The following HEMK1 variants were observed in gnomAD, a reference collection of about 807,000 sequenced individuals.
The protein encoded by HEMK1 is HemK methyltransferase 1, mitochondrial release factors N(5)-glutamine, also known as MTRF1L release factor glutamine methyltransferase.
Under a neutral mutation model 47.9 loss-of-function variants are expected in HEMK1, and 36 were observed. That is an observed-to-expected ratio of 0.75 (90% CI 0.58 to 0.99). The LOEUF is 0.99. Among genes scored for constraint, HEMK1 ranks in the 50% least tolerant of loss-of-function variants. HEMK1 has a pLI of 0.00. For missense variants in HEMK1, 383 were observed against 434.5 expected, an observed-to-expected ratio of 0.88 and a Z score of 1.05; for synonymous variants, 153 against 165.4, an observed-to-expected ratio of 0.93 and a Z score of 0.57.
In HEMK1 at chr3:50,590,090, CAGG is replaced by C. The variant is rs2031641420; in HGVS notation, c.*9676_*9678del. 1 of 151,506 alleles carries C rather than the reference CAGG, an allele frequency of 6.6e-6. No homozygotes were observed. The highest frequency in any genetic ancestry group is 1.5e-5 in the Non-Finnish European group (1 of 68,000). The allele number at this position is 151,506 out of a possible 1,614,324, so 9.4% of individuals were successfully genotyped here. On this transcript the variant is annotated 3_prime_UTR_variant, in exon 11 of 11. Transcript: ENST00000232854. ...ATCCCAGCTACTCGGGAGGCTGAAG[CAGG>C]AGAATTGCTTGAACCCGGGAGGCAG... is the stretch of plus-strand genomic sequence containing the variant.
At chr3:50,580,026 C>T in intron 9 of HEMK1, 87 bp downstream of exon 9, 1 of 1,516,130 alleles carries the variant, frequency 6.6e-7, no homozygotes, top group Non-Finnish European at 9.2e-7. Flanking sequence ...CAGAGGTCAG[C>T]ACAGGACCCT....
chr3:50,575,380 G>T (rs1247451045), intron 4 of HEMK1, among the ~76,000 whole-genome samples: 1 of 151,664 alleles, frequency 6.6e-6, no homozygotes, highest in Non-Finnish European at 1.5e-5. Flanking sequence ...CCAAGATCGC[G>T]CCATTGTACT....
rs1350530548 is a variant in HEMK1 at position 50,593,206 on chromosome 3, G to A, written c.*12789G>A. ...GATGGGAGCCTCAGGCCTGGCTTAG[G>A]AACCCTGCCCACAGCTGTACTAATG... On this transcript the variant is annotated 3_prime_UTR_variant, in exon 11 of 11. Transcript: ENST00000232854. 6.6e-6 allele frequency: 1 copy of A among 152,330 alleles called. No homozygotes were observed. Among genetic ancestry groups the A allele is most frequent in the African/African-American group, 2.4e-5 (1 of 41,436 alleles). 9.4% of individuals were successfully genotyped at this position (152,330 alleles called of 1,614,324 possible). A position where few individuals can be genotyped will look rare whatever the true frequency, so the allele number is the denominator to read the frequency against.
chr3:50,570,894 A>G, intron 1 of HEMK1, 37 bp from the exon 2 acceptor site: 2 of 468,340 alleles, frequency 4.3e-6, no homozygotes, highest in Non-Finnish European at 7.6e-6. Flanking sequence ...GGTGTCATAC[A>G]AGGCTCACCT....
chr3:50,569,194 C>T (rs1700602158), upstream of HEMK1: 1 of 152,302 alleles, frequency 6.6e-6, no homozygotes. Context: ...ACCTCCCGGC[C>T]TGGTTCCTAA....
In HEMK1 at chr3:50,577,083, C is replaced by T. The variant is rs761979687; in HGVS notation, c.446C>T (p.Ala149Val). 6.2e-7 allele frequency: 1 copy of T among 1,614,014 alleles called. No homozygotes were observed. The highest frequency in any genetic ancestry group is 1.3e-5 in the African/African-American group (1 of 75,058). Reference protein sequence around the residue: ...ELVEWVLEEVAQRSHAVGSPG... With the variant: ...ELVEWVLEEVVQRSHAVGSPG... Reference sequence around the variant, plus strand: ...GTTGAGTGGGTGCTGGAAGAGGTGGCCCAGAGGTCCCATGCTGTGGGATCC... The same window carrying T: ...GTTGAGTGGGTGCTGGAAGAGGTGGTCCAGAGGTCCCATGCTGTGGGATCC... The change falls in exon 5 of 11, where the codon GCC becomes GTC. Residue 149 changes from alanine (A) to valine (V), a missense_variant. Transcript: ENST00000232854.
chr3:50,572,125 C>T lies in HEMK1; in HGVS notation c.331C>T (p.Gln111Ter), dbSNP rs376951242. 1.7e-5 allele frequency: 28 copies of T among 1,613,960 alleles called. No homozygotes were observed. The African/African-American group carries it at 1.9e-4, about 11-fold the overall frequency. ...CTGCCCCCTCTGCAGGATGCCGGTG[C>T]AGTACATCCTTGGAGAGTGGGACTT... ...SSRRLQRMPV[Q>*]YILGEWDFQG... The change falls in exon 4 of 11, where the codon CAG (glutamine) becomes TAG (stop). Residue 111 changes from glutamine to a stop codon, truncating the protein, a stop_gained. Coordinates refer to ENST00000232854, the MANE Select transcript of HEMK1 (RefSeq NM_016173.5). LOFTEE classifies it high-confidence loss of function.
At position 50,580,380 on chromosome 3, in the gene HEMK1, G is replaced by C. The variant is rs2030627470; in HGVS notation, c.981-1G>C. ...ACCAGCCCCTGTCCCTGTCTCCTCAGGCCCCGGTTCCTGCATATCCGGAGG... is the reference window on the plus strand; with the variant it reads ...ACCAGCCCCTGTCCCTGTCTCCTCACGCCCCGGTTCCTGCATATCCGGAGG... On this transcript the variant is annotated splice_acceptor_variant, in intron 10 of 10. Coordinates refer to ENST00000232854, the MANE Select transcript of HEMK1 (RefSeq NM_016173.5). LOFTEE classifies it high-confidence loss of function. 6.2e-7 allele frequency: 1 copy of C among 1,614,046 alleles called. No individual in the cohort carries two copies. The highest frequency in any genetic ancestry group is 8.5e-7 in the Non-Finnish European group (1 of 1,180,028).
intron 2 of HEMK1, 66 bp from the exon 3 acceptor site, chr3:50,571,644 A>G (rs1227110541): frequency 6.9e-7 from 1 of 1,444,560 alleles, no homozygotes; most frequent in South Asian, 1.1e-5. Context: ...CATTATCCAC[A>G]TAAGACACCT....
rs2031490739 is a variant in HEMK1, at chr3:50,587,898, A to G, written c.*7481A>G. On this transcript the variant is annotated 3_prime_UTR_variant, in exon 11 of 11. Transcript: ENST00000232854. This position sits in a 1 kb window ranked among gnomAD's most constrained non-coding sequence, Gnocchi z 4.2. ...GTAGCAGTGGCATCAGATATTCTGG[A>G]ACAGAACTGACTCACAACCATTGCT... is the stretch of plus-strand genomic sequence containing the variant. The G allele has an allele frequency of 2.6e-5, 4 of 152,302 alleles. No homozygotes were observed. The South Asian group carries it at 8.3e-4, about 32-fold the overall frequency. The allele number at this position is 152,302 out of a possible 1,614,324, so 9.4% of individuals were successfully genotyped here.
At position 50,571,721 on chromosome 3, in the gene HEMK1, G is replaced by C; in HGVS notation, c.240G>C (p.Leu80=). The change falls in exon 3 of 11, where the codon CTG becomes CTC. Residue 80 remains leucine (L), a synonymous_variant. Transcript: ENST00000232854. ...CTCTGTGGGGACAGTTTCAGAGCCT[G>C]AGGCCGGCACTTTGGACCCAGCCCT... ...HVLGAKTFQS[L]RPALWTQPLT... 5.6e-6 allele frequency: 9 copies of C among 1,614,196 alleles called. No individual in the cohort carries two copies. Among genetic ancestry groups the C allele is most frequent in the Non-Finnish European group, 6.8e-6 (8 of 1,180,024 alleles).
Position 50,571,151 on chromosome 3 carries a change from G to A in HEMK1, c.47G>A (p.Gly16Glu), listed in dbSNP as rs948127167. ...RMLWALLSGP[G>E]RRGSTRGWAF... ...CTGTGGGCCCTCCTGTCTGGCCCAGGGAGGAGGGGAAGTACCCGGGGCTGG... is the reference window on the plus strand; with the variant it reads ...CTGTGGGCCCTCCTGTCTGGCCCAGAGAGGAGGGGAAGTACCCGGGGCTGG... The change falls in exon 2 of 11, where the codon GGG (glycine) becomes GAG (glutamate). Residue 16 changes from glycine (G) to glutamate (E), a missense_variant. Gly to Glu is a moderately conservative substitution (Grantham distance 98). Transcript: ENST00000232854. The A allele has an allele frequency of 5.6e-6, 9 of 1,612,818 alleles. No homozygotes were observed. In the African/African-American group the frequency reaches 1.1e-4, roughly 19 times the overall value.
intron 7 of HEMK1, 26 bp from the exon 8 acceptor site, chr3:50,578,795 C>T: frequency 1.3e-6 from 2 of 1,517,212 alleles, no homozygotes; most frequent in Non-Finnish European, 1.8e-6. Flanking sequence ...TTAGTCCCTA[C>T]TGTGTGTCCT....
Position 50,578,928 on chromosome 3 carries a change from T to C in HEMK1, c.770+2T>C, listed in dbSNP as rs1429859720. The C allele has an allele frequency of 1.2e-6, 2 of 1,607,980 alleles. No individual in the cohort carries two copies. On this transcript the variant is annotated splice_donor_variant, in intron 8 of 10. Transcript: ENST00000232854. LOFTEE classifies it high-confidence loss of function. ...GCAGCTGGCCCCTGAGATCCGCAGG[T>C]GCTAAGCAGGGTGGGCCAGGGAGGC...
rs2031944527 is a variant in HEMK1 at position 50,595,790 on chromosome 3, GA to G, written c.*15374del. Reference sequence around the variant, plus strand: ...TGCAGGAAAAAACCCAAGATAGAGAGACAACACTATATAGGCATCGATGTAT... The same window carrying G: ...TGCAGGAAAAAACCCAAGATAGAGAGCAACACTATATAGGCATCGATGTAT... On this transcript the variant is annotated 3_prime_UTR_variant, in exon 11 of 11. Transcript: ENST00000232854. 1.3e-5 allele frequency: 2 copies of G among 152,162 alleles called. No homozygotes were observed. The highest frequency in any genetic ancestry group is 2.9e-5 in the Non-Finnish European group (2 of 68,044). 9.4% of individuals were successfully genotyped at this position (152,162 alleles called of 1,614,324 possible).
chr3:50,572,933 C>T (rs1006146597), intron 4 of HEMK1, among the ~76,000 whole-genome samples: 2 of 152,092 alleles, frequency 1.3e-5, no homozygotes, highest in East Asian at 1.9e-4. Flanking sequence ...AGCTGGTGGG[C>T]AAGCCAGAGG....
At position 50,592,455 on chromosome 3, in the gene HEMK1, G is replaced by A. The variant is rs987962342; in HGVS notation, c.*12038G>A. ...TGCCACCCTCCCTCCCTGATTCCTTGAATAAAATTCAGCCTTCCAAATTTT... is the reference window on the plus strand; with the variant it reads ...TGCCACCCTCCCTCCCTGATTCCTTAAATAAAATTCAGCCTTCCAAATTTT... On this transcript the variant is annotated 3_prime_UTR_variant, in exon 11 of 11. Transcript: ENST00000232854. 6.6e-6 allele frequency: 1 copy of A among 152,130 alleles called. No individual in the cohort carries two copies. Among genetic ancestry groups the A allele is most frequent in the Admixed American group, 6.5e-5 (1 of 15,274 alleles). The allele number at this position is 152,130 out of a possible 1,614,324, so 9.4% of individuals were successfully genotyped here. A position where few individuals can be genotyped will look rare whatever the true frequency, so the allele number is the denominator to read the frequency against.
intron 2 of HEMK1, 60 bp downstream of exon 2, chr3:50,571,392 A>T: frequency 7.6e-7 from 1 of 1,311,130 alleles, no homozygotes; most frequent in Non-Finnish European, 1.1e-6. Context: ...TGGGGAAGGG[A>T]TATCCAGGTT....
intron 6 of HEMK1, 33 bp from the exon 7 acceptor site, chr3:50,577,793 C>T: frequency 6.2e-7 from 1 of 1,611,870 alleles, no homozygotes; most frequent in Non-Finnish European, 8.5e-7. Context: ...GGGGTCTGCC[C>T]CCGTGCCTAC....
Sources: allele counts gnomAD v4.1 joint callset (sites outside exome capture counted in the v4.1 genomes callset), GRCh38; gene constraint gnomAD v4.1.1; non-coding constraint Gnocchi (gnomAD v3.1); transcripts MANE v1.5; gene names NCBI Gene and HGNC (gene_info 2026-07-23, HGNC 2026-07-21).